CFAP20: variants seen among roughly 807,000 people sequenced by gnomAD.
The protein encoded by CFAP20 is cilia- and flagella-associated protein 20.
A neutral mutation model predicts 25.5 loss-of-function variants in CFAP20; 14 were observed. The ratio of observed to expected loss-of-function variants is 0.55; its 90% confidence interval spans 0.36 to 0.86. CFAP20 has a LOEUF of 0.86. Among genes scored for constraint, CFAP20 ranks in the 40% least tolerant of loss-of-function variants. The probability of loss-of-function intolerance (pLI) is 0.01; values close to 1 mark genes in which losing one functional copy is unlikely to be tolerated. For missense variants in CFAP20, 181 were observed against 248.0 expected (o/e 0.73, Z 1.81); for synonymous variants, 75 against 91.1 (o/e 0.82, Z 1.01).
chr16:58,126,886 T>C (rs1055314634), intron 1 of CFAP20, among the ~76,000 whole-genome samples: 9 of 152,228 alleles, frequency 5.9e-5, no homozygotes, highest in African/African-American at 2.2e-4. Flanking sequence ...AACTTTCCTT[T>C]TTCTTCTCTT....
intron 1 of CFAP20, among the ~76,000 whole-genome samples, chr16:58,126,799 T>C (rs1323065131): frequency 1.3e-5 from 2 of 152,236 alleles, no homozygotes; most frequent in Non-Finnish European, 2.9e-5. Context: ...TTCCCCCTAC[T>C]GGATTGAATT....
chr16:58,115,129 T>C (rs1960439685), intron 4 of CFAP20, 140 bp downstream of exon 4: 2 of 1,266,556 alleles, frequency 1.6e-6, no homozygotes, highest in African/African-American at 1.5e-5. Flanking sequence ...TCCTGGACCT[T>C]TGTGAGGCCA....
chr16:58,126,260 C>T (rs1227820727), intron 1 of CFAP20, among the ~76,000 whole-genome samples: 1 of 152,166 alleles, frequency 6.6e-6, no homozygotes, highest in African/African-American at 2.4e-5. Flanking sequence ...TGAGGCTTAA[C>T]TCAAGTTCTC....
At position 58,113,955 on chromosome 16, in the gene CFAP20, T is replaced by A. The variant is rs375016474; in HGVS notation, c.*70A>T. 6.6e-7 allele frequency: 1 copy of A among 1,519,654 alleles called. No homozygotes were observed. The highest frequency in any genetic ancestry group is 9.1e-7 in the Non-Finnish European group (1 of 1,094,464). The allele number at this position is 1,519,654 out of a possible 1,614,324, so 94.1% of individuals were successfully genotyped here. A position where few individuals can be genotyped will look rare whatever the true frequency, so the allele number is the denominator to read the frequency against. On this transcript the variant is annotated 3_prime_UTR_variant, in exon 6 of 6. Transcript: ENST00000262498. ...CTAAGATAAATATGTTTTTGCATCG[T>A]CCTCCACATAGTTTCCTTTTAAAAA...
intron 1 of CFAP20, among the ~76,000 whole-genome samples, chr16:58,127,138 CGTT>C (rs1437556578): frequency 6.6e-6 from 1 of 152,114 alleles, no homozygotes; most frequent in Non-Finnish European, 1.5e-5. Context: ...CCTCTAGTGG[CGTT>C]GTTAAGGGAC....
rs778596857 is a variant in CFAP20 at position 58,116,893 on chromosome 16, T to G, written c.143A>C (p.Glu48Ala). 6.2e-7 allele frequency: 1 copy of G among 1,614,186 alleles called. No homozygotes were observed. Among genetic ancestry groups the G allele is most frequent in the East Asian group, 2.2e-5 (1 of 44,884 alleles). ...TDNDIQSLVL[E>A]IEGTNVSTTY... The stretch of plus-strand genomic sequence containing the variant: ...CTACCTTACATTTGTCCCTTCAATC[T>G]CTAGCACCAGGGACTGGATGTCATT... Residue 48 changes from glutamate (E) to alanine (A), a missense_variant, in exon 2 of 6, where the codon GAG (glutamate) becomes GCG (alanine). Transcript: ENST00000262498.
In CFAP20 at chr16:58,129,211, C is replaced by T. The variant is rs577881510; in HGVS notation, c.-96G>A. On this transcript the variant is annotated 5_prime_UTR_variant, in exon 1 of 6. Coordinates refer to ENST00000262498, the MANE Select transcript of CFAP20 (RefSeq NM_013242.3). ...CGTCGAGGGCACAGCAGCAGGCCGG[C>T]CCTGTTCCGAAGAAGGGTGGTTGAG... 6 of 1,357,530 alleles carry T rather than the reference C, an allele frequency of 4.4e-6. No individual in the cohort carries two copies. The South Asian group carries it at 7.4e-5, about 17-fold the overall frequency. The allele number at this position is 1,357,530 out of a possible 1,614,324, so 84.1% of individuals were successfully genotyped here.
At chr16:58,116,184 T>G in intron 2 of CFAP20, 32 bp from the exon 3 acceptor site, 1 of 1,449,196 alleles carries the variant, frequency 6.9e-7, no homozygotes, top group Non-Finnish European at 9.7e-7. Context: ...ATAAACACAC[T>G]CCTGGACTCT....
At chr16:58,122,325 A>T (rs775248398) in intron 1 of CFAP20, among the ~76,000 whole-genome samples, 2 of 152,238 alleles carry the variant, frequency 1.3e-5, no homozygotes, top group Non-Finnish European at 2.9e-5. Context: ...TCACGCCTGT[A>T]ATCCCAGCAC....
intron 1 of CFAP20, 67 bp downstream of exon 1, chr16:58,128,964 TC>T: frequency 1.3e-6 from 2 of 1,511,990 alleles, no homozygotes; most frequent in Non-Finnish European, 9.0e-7. Context: ...CCATTCCCCG[TC>T]CCCAGCCCCC....
chr16:58,113,824 G>A lies in CFAP20; in HGVS notation c.*201C>T. ...GCGTTCATGCGCCACTCACAGGACTGCTTACCCCCACTGCACTTACAATGC... is the reference window on the plus strand; with the variant it reads ...GCGTTCATGCGCCACTCACAGGACTACTTACCCCCACTGCACTTACAATGC... On this transcript the variant is annotated 3_prime_UTR_variant, in exon 6 of 6. Coordinates refer to ENST00000262498, the MANE Select transcript of CFAP20 (RefSeq NM_013242.3). The A allele has an allele frequency of 1.6e-6, 1 of 620,570 alleles. No homozygotes were observed. The highest frequency in any genetic ancestry group is 2.9e-6 in the Non-Finnish European group (1 of 349,592). 38.4% of individuals were successfully genotyped at this position (620,570 alleles called of 1,614,324 possible).
intron 1 of CFAP20, among the ~76,000 whole-genome samples, chr16:58,123,627 A>AAAG (rs1375338036): frequency 7.1e-6 from 1 of 141,802 alleles, no homozygotes; most frequent in Non-Finnish European, 1.5e-5. Flanking sequence ...AAAAAAAAAA[A>AAAG]AAGACTGAAA....
chr16:58,122,975 A>G (rs542417184), intron 1 of CFAP20, among the ~76,000 whole-genome samples: 44 of 152,054 alleles, frequency 2.9e-4, no homozygotes, highest in Middle Eastern at 3.4e-3. Context: ...ATGCAATCTC[A>G]TCTCATGTAC....
rs1960675133 is a variant in CFAP20 at position 58,129,214 on chromosome 16, T to C, written c.-99A>G. On this transcript the variant is annotated 5_prime_UTR_variant, in exon 1 of 6. Coordinates refer to ENST00000262498, the MANE Select transcript of CFAP20 (RefSeq NM_013242.3). ...CGAGGGCACAGCAGCAGGCCGGCCC[T>C]GTTCCGAAGAAGGGTGGTTGAGCTC... 5.3e-6 allele frequency: 7 copies of C among 1,320,338 alleles called. No homozygotes were observed. The highest frequency in any genetic ancestry group is 7.4e-6 in the Non-Finnish European group (7 of 950,188). 81.8% of individuals were successfully genotyped at this position (1,320,338 alleles called of 1,614,324 possible).
Position 58,113,762 on chromosome 16 carries a change from T to TC in CFAP20, c.*262dup, listed in dbSNP as rs1294853856. 2 of 479,346 alleles carry TC rather than the reference T, an allele frequency of 4.2e-6. No homozygotes were observed. The highest frequency in any genetic ancestry group is 2.8e-5 in the South Asian group (1 of 35,422). The allele number at this position is 479,346 out of a possible 1,614,324, so 29.7% of individuals were successfully genotyped here. On this transcript the variant is annotated 3_prime_UTR_variant, in exon 6 of 6. Transcript: ENST00000262498. ...TCTGTAAGTTCATGGTAAAGGTATC[T>TC]CCCCCCACACTGGGGCAGGCGGCGG...
intron 1 of CFAP20, among the ~76,000 whole-genome samples, chr16:58,119,706 G>T (rs1033732654): frequency 1.3e-5 from 2 of 152,208 alleles, no homozygotes; most frequent in African/African-American, 2.4e-5. Context: ...TTTCCAAGGA[G>T]ATTAAGAGCA....
intron 4 of CFAP20, 49 bp from the exon 5 acceptor site, chr16:58,114,969 C>G: frequency 6.7e-7 from 1 of 1,493,316 alleles, no homozygotes; most frequent in Non-Finnish European, 9.3e-7. Context: ...CTGTTCTCCC[C>G]CTTTTCCTGA....
At chr16:58,124,955 A>G (rs543998817) in intron 1 of CFAP20, among the ~76,000 whole-genome samples, 99 of 152,346 alleles carry the variant, frequency 6.5e-4, no homozygotes, top group African/African-American at 2.3e-3. Context: ...TTCATCAATA[A>G]TAAATTAACC....
intron 3 of CFAP20, 100 bp downstream of exon 3, chr16:58,115,941 A>G: frequency 1.3e-6 from 1 of 795,282 alleles, no homozygotes; most frequent in Non-Finnish European, 2.0e-6. Flanking sequence ...AATACATGCA[A>G]AAGGATAAAG....
Sources: gnomAD v4.1 joint callset for allele counts (sites outside exome capture counted in the v4.1 genomes callset) on GRCh38, gnomAD v4.1.1 for gene constraint, MANE v1.5 for transcripts, NCBI Gene and HGNC (gene_info 2026-07-23, HGNC 2026-07-21) for gene names.